PIEZO2: variants seen among roughly 807,000 people sequenced by gnomAD.
PIEZO2 encodes the protein piezo-type mechanosensitive ion channel component 2.
Under a neutral mutation model 337.3 loss-of-function variants are expected in PIEZO2, and 172 were observed. The observed-to-expected ratio is 0.51, with a 90% CI of 0.45 to 0.58. PIEZO2 has a LOEUF of 0.58. PIEZO2 is among the 20% of genes least tolerant of loss of function. The probability of loss-of-function intolerance (pLI) is 0.00; values close to 1 mark genes in which losing one functional copy is unlikely to be tolerated. For synonymous variants in PIEZO2, 1,251 were observed against 1,228.5 expected (o/e 1.02, Z -0.38); for missense variants, 3,028 against 3,391.3 (o/e 0.89, Z 2.66).
intron 3 of PIEZO2, among the ~76,000 whole-genome samples, chr18:10,959,892 C>T (rs868210658): frequency 5.3e-5 from 8 of 152,106 alleles, no homozygotes; most frequent in African/African-American, 1.7e-4. Flanking sequence ...CTTAGAATAT[C>T]TGTAAGAAAG....
At chr18:10,825,546 C>A (rs1431659616) in intron 7 of PIEZO2, among the ~76,000 whole-genome samples, 1 of 116,680 alleles carries the variant, frequency 8.6e-6, no homozygotes, top group Non-Finnish European at 1.7e-5. Context: ...TCTTTCCTTT[C>A]TTCCTTTTTT....
intron 17 of PIEZO2, among the ~76,000 whole-genome samples, chr18:10,782,443 T>TCTTATAATTATATATAAATA (rs2144095890): frequency 1.3e-5 from 1 of 76,362 alleles, no homozygotes; most frequent in South Asian, 4.3e-4. Context: ...TTATATAATA[T>TCTTATAATTATATATAAATA]ATTATATAGT....
chr18:10,880,786 A>G (rs1369305499), intron 4 of PIEZO2, among the ~76,000 whole-genome samples: 2 of 144,014 alleles, frequency 1.4e-5, no homozygotes, highest in Non-Finnish European at 3.0e-5. Context: ...GCAGACAAAT[A>G]GCAAAAACTC....
Position 11,143,995 on chromosome 18 carries a change from A to G in PIEZO2, c.64+4530T>C, listed in dbSNP as rs1311109609. On this transcript the variant is annotated intron_variant, in intron 1 of 55. Coordinates refer to ENST00000674853, the MANE Select transcript of PIEZO2 (RefSeq NM_001378183.1). The surrounding 1 kb of genome is among the most constrained non-coding windows in gnomAD (Gnocchi z 4.9). ...TTACAGAAAGAAAAGAGAAACAAAC[A>G]AAAGGAACTCCACAATCATACAGTG... is the stretch of plus-strand genomic sequence containing the variant. 6.6e-6 allele frequency among the ~76,000 whole-genome samples: 1 copy of G among 152,208 alleles called. No individual in the cohort carries two copies.
intron 16 of PIEZO2, 78 bp from the exon 17 acceptor site, chr18:10,785,035 C>G: frequency 7.3e-7 from 1 of 1,378,430 alleles, no homozygotes. Context: ...TAAACTACAT[C>G]ACAGTCTTAC....
intron 2 of PIEZO2, among the ~76,000 whole-genome samples, chr18:11,020,899 A>G (rs2036286751): frequency 6.6e-6 from 1 of 152,208 alleles, no homozygotes; most frequent in African/African-American, 2.4e-5. Flanking sequence ...TATCTTCCAA[A>G]CTGAAAAACT....
intron 8 of PIEZO2, among the ~76,000 whole-genome samples, chr18:10,804,265 G>A (rs991768785): frequency 2.6e-5 from 4 of 152,092 alleles, no homozygotes; most frequent in African/African-American, 4.8e-5. Flanking sequence ...GCTTTTCCAC[G>A]TGCATTCTCA....
chr18:10,786,013 A>G (rs1410355756), intron 16 of PIEZO2, among the ~76,000 whole-genome samples: 1 of 152,176 alleles, frequency 6.6e-6, no homozygotes, highest in Non-Finnish European at 1.5e-5. Context: ...GACTTGCCTC[A>G]GGACCTTTGC....
At chr18:10,998,726 G>A (rs2035424107) in intron 2 of PIEZO2, among the ~76,000 whole-genome samples, 1 of 151,802 alleles carries the variant, frequency 6.6e-6, no homozygotes, top group Non-Finnish European at 1.5e-5. Flanking sequence ...TTATTAGAAT[G>A]CCAACAGAAT....
chr18:11,114,083 ACT>A (rs1396515142), intron 1 of PIEZO2, among the ~76,000 whole-genome samples: 13 of 152,210 alleles, frequency 8.5e-5, no homozygotes, highest in African/African-American at 2.9e-4. Flanking sequence ...ATCTTCAAAA[ACT>A]ATATGCCTCT....
chr18:10,963,782 C>T (rs1254171858), intron 3 of PIEZO2, among the ~76,000 whole-genome samples: 1 of 152,118 alleles, frequency 6.6e-6, no homozygotes, highest in African/African-American at 2.4e-5. Context: ...TGAGTATTTC[C>T]GTAGATGCTA....
intron 3 of PIEZO2, among the ~76,000 whole-genome samples, chr18:10,963,794 T>C: frequency 6.6e-6 from 1 of 152,228 alleles, no homozygotes; most frequent in East Asian, 1.9e-4. Flanking sequence ...TAGATGCTAA[T>C]TTAGGCTGTT....
rs967836643 is a variant in PIEZO2 at position 10,819,929 on chromosome 18, T to C, written c.918-12655A>G. Among the ~76,000 whole-genome samples the C allele has an allele frequency of 2.0e-5, 3 of 152,310 alleles. No homozygotes were observed. Among genetic ancestry groups the C allele is most frequent in the Middle Eastern group, 6.8e-3 (2 of 294 alleles). On this transcript the variant is annotated intron_variant, in intron 7 of 55. Transcript: ENST00000674853. The surrounding 1 kb of genome is among the most constrained non-coding windows in gnomAD (Gnocchi z 4.3). Reference sequence around the variant, plus strand: ...TTGACCTTCATTTCTTCTACCTACATTCTCAGATACAGAATTATAGGTTCA... The same window carrying C: ...TTGACCTTCATTTCTTCTACCTACACTCTCAGATACAGAATTATAGGTTCA...
chr18:10,879,045 G>A (rs544363639), intron 4 of PIEZO2, among the ~76,000 whole-genome samples: 6 of 152,320 alleles, frequency 3.9e-5, no homozygotes, highest in Non-Finnish European at 8.8e-5. Context: ...TCTCACATGT[G>A]TTAGCTAAAG....
intron 14 of PIEZO2, 92 bp from the exon 15 acceptor site, chr18:10,789,457 C>T: frequency 7.4e-7 from 1 of 1,354,606 alleles, no homozygotes. Flanking sequence ...TAGAGGCATG[C>T]ATTTTCTAAG....
rs1246557336 is a variant in PIEZO2, at chr18:11,070,789, G to T, written c.65-4567C>A. 6.6e-6 allele frequency among the ~76,000 whole-genome samples: 1 copy of T among 152,166 alleles called. No individual in the cohort carries two copies. On this transcript the variant is annotated intron_variant, in intron 1 of 55. Coordinates refer to ENST00000674853, the MANE Select transcript of PIEZO2 (RefSeq NM_001378183.1). The surrounding 1 kb of genome is among the most constrained non-coding windows in gnomAD (Gnocchi z 4.3). Reference sequence around the variant, plus strand: ...AGGCCCGGGAGACTGAGCAGAGGACGCCAGGGAACAGACTGGGCCTAAGTG... The same window carrying T: ...AGGCCCGGGAGACTGAGCAGAGGACTCCAGGGAACAGACTGGGCCTAAGTG...
intron 42 of PIEZO2, among the ~76,000 whole-genome samples, chr18:10,702,428 G>C (rs541744047): frequency 6.6e-6 from 1 of 152,078 alleles, no homozygotes; most frequent in African/African-American, 2.4e-5. Context: ...TCAGGGCACC[G>C]CTTTGATTAG....
intron 52 of PIEZO2, among the ~76,000 whole-genome samples, 198 bp downstream of exon 52, chr18:10,680,001 A>T (rs1377458619): frequency 6.6e-6 from 1 of 152,240 alleles, no homozygotes; most frequent in Non-Finnish European, 1.5e-5. Context: ...CTGGTTAGTG[A>T]TTCCTAGGCA....
chr18:10,750,885 C>A lies in PIEZO2; in HGVS notation c.4168-698G>T, dbSNP rs1422995541. 6.6e-6 allele frequency among the ~76,000 whole-genome samples: 1 copy of A among 152,198 alleles called. No homozygotes were observed. Among genetic ancestry groups the A allele is most frequent in the Non-Finnish European group, 1.5e-5 (1 of 68,030 alleles). On this transcript the variant is annotated intron_variant, in intron 28 of 55. Coordinates refer to ENST00000674853, the MANE Select transcript of PIEZO2 (RefSeq NM_001378183.1). The surrounding 1 kb of genome is among the most constrained non-coding windows in gnomAD (Gnocchi z 4.1). ...ATTTGCTCCAACAGCAGCAGTTACTCGTTATGGATTCCCCAGCCCTGGGAA... is the reference window on the plus strand; with the variant it reads ...ATTTGCTCCAACAGCAGCAGTTACTAGTTATGGATTCCCCAGCCCTGGGAA...
Sources: gnomAD v4.1 joint callset for allele counts (sites outside exome capture counted in the v4.1 genomes callset) on GRCh38, gnomAD v4.1.1 for gene constraint, Gnocchi (gnomAD v3.1) non-coding constraint, MANE v1.5 for transcripts, NCBI Gene and HGNC (gene_info 2026-07-23, HGNC 2026-07-21) for gene names.